The following CDK6 variants were observed in gnomAD, a reference collection of about 807,000 sequenced individuals.
CDK6 encodes cyclin dependent kinase 6.
CDK6 carries 6 observed loss-of-function variants against 37.1 expected under a neutral mutation model. The observed-to-expected ratio is 0.16, with a 90% CI of 0.09 to 0.32. CDK6 has a LOEUF of 0.32. Ranked by LOEUF, CDK6 falls within the 10% of genes least tolerant of loss-of-function variation. The pLI is 1.00. For missense variants in CDK6, 224 were observed against 418.9 expected (o/e 0.53, Z 4.06); for synonymous variants, 160 against 161.3 (o/e 0.99, Z 0.06).
chr7:92,794,352 G>C (rs559091723), intron 2 of CDK6, among the ~76,000 whole-genome samples: 3 of 152,110 alleles, frequency 2.0e-5, no homozygotes, highest in Non-Finnish European at 2.9e-5. Context: ...CTGTAAATGA[G>C]AGAGCCAGGA....
At chr7:92,652,315 A>G (rs551269699) in intron 5 of CDK6, among the ~76,000 whole-genome samples, 1 of 152,050 alleles carries the variant, frequency 6.6e-6, no homozygotes, top group Non-Finnish European at 1.5e-5. Flanking sequence ...CCTTAAGGGG[A>G]CTGTAATTTA....
intron 5 of CDK6, among the ~76,000 whole-genome samples, chr7:92,660,181 A>G (rs575546634): frequency 3.0e-4 from 46 of 152,308 alleles, no homozygotes; most frequent in African/African-American, 1.0e-3. Flanking sequence ...GCATGACATC[A>G]TTGCTGCACC....
At chr7:92,661,468 C>A (rs1468106290) in intron 5 of CDK6, among the ~76,000 whole-genome samples, 1 of 152,146 alleles carries the variant, frequency 6.6e-6, no homozygotes, top group African/African-American at 2.4e-5. Flanking sequence ...TGACTGGAAA[C>A]CTTACCAATA....
Sources: gnomAD v4.1 joint callset for allele counts (sites outside exome capture counted in the v4.1 genomes callset) on GRCh38, gnomAD v4.1.1 for gene constraint, MANE v1.5 for transcripts, NCBI Gene and HGNC (gene_info 2026-07-23, HGNC 2026-07-21) for gene names.